The following FDFT1 variants were observed in gnomAD, a reference collection of about 807,000 sequenced individuals.
FDFT1 encodes squalene synthase.
A neutral mutation model predicts 46.8 loss-of-function variants in FDFT1; 68 were observed. The observed-to-expected ratio is 1.45, with a 90% CI of 1.19 to 1.78. The LOEUF is 1.78. Ranked by LOEUF, FDFT1 falls within the 40% of genes most tolerant of loss-of-function variation. The probability of loss-of-function intolerance (pLI) is 0.00; values close to 1 mark genes in which losing one functional copy is unlikely to be tolerated. For synonymous variants in FDFT1, 351 were observed against 185.1 expected (o/e 1.90, Z -7.28); for missense variants, 928 against 524.4 (o/e 1.77, Z -7.52).
chr8:11,812,272 C>T (rs964182812), intron 3 of FDFT1, among the ~76,000 whole-genome samples: 11 of 152,208 alleles, frequency 7.2e-5, no homozygotes, highest in African/African-American at 1.7e-4. Flanking sequence ...CGTCTGCGTC[C>T]GCACAGTCTA....
At chr8:11,818,115 T>G (rs565931147) in intron 3 of FDFT1, among the ~76,000 whole-genome samples, 56 of 152,358 alleles carry the variant, frequency 3.7e-4, no homozygotes, top group African/African-American at 1.3e-3. Context: ...CATTTCGTTA[T>G]GTACCCAGTA....
chr8:11,809,777 T>A lies in FDFT1; in HGVS notation c.308T>A (p.Phe103Tyr), dbSNP rs368071016. Residue 103 changes from phenylalanine to tyrosine, a missense_variant, in exon 3 of 8, where the codon TTC (phenylalanine) becomes TAC (tyrosine). Coordinates refer to ENST00000220584, the MANE Select transcript of FDFT1 (RefSeq NM_004462.5). The stretch of plus-strand genomic sequence containing the variant: ...CCGCTGTTACACAACTTTCACTCTT[T>A]CCTTTACCAACCAGACTGGCGGTTC... ...KVPLLHNFHS[F>Y]LYQPDWRFME... 9 of 1,614,196 alleles carry A rather than the reference T, an allele frequency of 5.6e-6. No individual in the cohort carries two copies. Among genetic ancestry groups the A allele is most frequent in the Non-Finnish European group, 6.8e-6 (8 of 1,180,018 alleles).
chr8:11,838,165 G>A (rs1287127981), intron 7 of FDFT1, among the ~76,000 whole-genome samples: 2 of 152,198 alleles, frequency 1.3e-5, no homozygotes, highest in African/African-American at 4.8e-5. Flanking sequence ...GCACACCTGT[G>A]CCTCCTGTTT....
At chr8:11,828,192 G>A (rs914889165) in intron 5 of FDFT1, among the ~76,000 whole-genome samples, 1 of 152,148 alleles carries the variant, frequency 6.6e-6, no homozygotes, top group East Asian at 1.9e-4. Flanking sequence ...GGAGGTTGAG[G>A]CAGGAGGATT....
intron 7 of FDFT1, among the ~76,000 whole-genome samples, chr8:11,836,728 T>TATGGATGC (rs1433122510): frequency 3.9e-5 from 6 of 152,362 alleles, no homozygotes; most frequent in Non-Finnish European, 7.3e-5. Context: ...TATTTTACTT[T>TATGGATGC]ATGGATGCTT....
intron 1 of FDFT1, chr8:11,803,257 C>T (rs955707991): frequency 7.4e-7 from 1 of 1,354,432 alleles, no homozygotes; most frequent in African/African-American, 1.5e-5. Context: ...ACATCTGAGG[C>T]AATGTGGGTG....
At chr8:11,797,507 A>C (rs568368318), upstream of FDFT1, among the ~76,000 whole-genome samples, 1 of 129,192 alleles carries the variant, frequency 7.7e-6, no homozygotes, top group African/African-American at 2.9e-5. Context: ...GTAGATGTTC[A>C]GCCAATGTTT....
chr8:11,802,947 C>T lies in FDFT1; in HGVS notation c.99+16C>T, dbSNP rs771806984. 1.1e-5 allele frequency: 17 copies of T among 1,587,932 alleles called. No homozygotes were observed. Among genetic ancestry groups the T allele is most frequent in the Non-Finnish European group, 1.3e-5 (15 of 1,166,574 alleles). On this transcript the variant is annotated intron_variant, in intron 1 of 7. Coordinates refer to ENST00000220584, the MANE Select transcript of FDFT1 (RefSeq NM_004462.5). ...GATGGACCAGGTGGGCCGAGCCTCC[C>T]TGCTTGCCCGGGGCGGGGAAGGAGC...
At chr8:11,806,118 C>A (rs560462973) in intron 1 of FDFT1, among the ~76,000 whole-genome samples, 1 of 152,276 alleles carries the variant, frequency 6.6e-6, no homozygotes, top group Admixed American at 6.5e-5. Context: ...GTGGAACTTT[C>A]AGCCTGAGGC....
intron 4 of FDFT1, 124 bp downstream of exon 4, chr8:11,822,002 GT>G: frequency 8.7e-7 from 1 of 1,148,632 alleles, no homozygotes; most frequent in Non-Finnish European, 1.2e-6. Context: ...CAATTCATCT[GT>G]TTAGGTTGAA....
upstream of FDFT1, among the ~76,000 whole-genome samples, chr8:11,800,346 G>T (rs1805992041): frequency 6.7e-6 from 1 of 149,082 alleles, no homozygotes; most frequent in Admixed American, 6.7e-5. Flanking sequence ...TGCAGAAAGG[G>T]TACACTCGCC....
chr8:11,809,887 T>C, intron 3 of FDFT1, 37 bp downstream of exon 3: 9 of 1,511,636 alleles, frequency 6.0e-6, no homozygotes, highest in Non-Finnish European at 8.2e-6. Context: ...CGGACTGTTG[T>C]GTTCATAATT....
chr8:11,834,490 G>C (rs1369365910), intron 7 of FDFT1, among the ~76,000 whole-genome samples: 1 of 152,220 alleles, frequency 6.6e-6, no homozygotes, highest in African/African-American at 2.4e-5. Flanking sequence ...AGAATCATCC[G>C]GCTCTTTGAG....
intron 5 of FDFT1, among the ~76,000 whole-genome samples, chr8:11,826,682 G>T (rs1294235734): frequency 6.6e-6 from 1 of 152,204 alleles, no homozygotes; most frequent in African/African-American, 2.4e-5. Context: ...GGGCGTGGTG[G>T]CAAGGGCTTG....
At chr8:11,833,483 T>G (rs1344044735) in intron 7 of FDFT1, among the ~76,000 whole-genome samples, 1 of 152,246 alleles carries the variant, frequency 6.6e-6, no homozygotes, top group Non-Finnish European at 1.5e-5. Context: ...TTTTGCAGTT[T>G]GATCACTAGT....
chr8:11,800,041 C>A (rs1201831080), upstream of FDFT1, among the ~76,000 whole-genome samples: 2 of 143,758 alleles, frequency 1.4e-5, no homozygotes, highest in African/African-American at 2.5e-5. Context: ...GAGGGTGGAT[C>A]ATGAGGTCAG....
chr8:11,807,331 T>C (rs1481814876), intron 1 of FDFT1, among the ~76,000 whole-genome samples: 1 of 31,174 alleles, frequency 3.2e-5, no homozygotes, highest in Non-Finnish European at 8.9e-5. Context: ...AAAAATTTTT[T>C]AAAAACTTTT....
chr8:11,802,414 G>A (rs909830653), upstream of FDFT1: 15 of 457,610 alleles, frequency 3.3e-5, no homozygotes, highest in Admixed American at 1.9e-4. Flanking sequence ...AAGCCCCACC[G>A]CCTCACCTCC....
chr8:11,811,737 C>T (rs1468694289), intron 3 of FDFT1, among the ~76,000 whole-genome samples: 1 of 152,214 alleles, frequency 6.6e-6, no homozygotes, highest in Non-Finnish European at 1.5e-5. Flanking sequence ...TAAAAGGGAG[C>T]AGAAGGCGTA....
Sources: gnomAD v4.1 joint callset for allele counts (sites outside exome capture counted in the v4.1 genomes callset) on GRCh38, gnomAD v4.1.1 for gene constraint, MANE v1.5 for transcripts, NCBI Gene and HGNC (gene_info 2026-07-23, HGNC 2026-07-21) for gene names.